The following TFEC variants were observed in gnomAD, a reference collection of about 807,000 sequenced individuals.
The protein encoded by TFEC is transcription factor EC.
A neutral mutation model predicts 41.6 loss-of-function variants in TFEC; 31 were observed. The ratio of observed to expected loss-of-function variants is 0.74; its 90% confidence interval spans 0.56 to 1.01. The LOEUF is 1.01. Ranked by LOEUF, TFEC falls within the 50% of genes least tolerant of loss-of-function variation. The probability of loss-of-function intolerance (pLI) is 0.00; values close to 1 mark genes in which losing one functional copy is unlikely to be tolerated. For synonymous variants in TFEC, 143 were observed against 140.6 expected (o/e 1.02, Z -0.12); for missense variants, 402 against 404.1 (o/e 0.99, Z 0.04).
At chr7:116,062,600 T>TATATATAA (rs1796594821) in intron 3 of TFEC, among the ~76,000 whole-genome samples, 1 of 132,092 alleles carries the variant, frequency 7.6e-6, no homozygotes, top group African/African-American at 2.8e-5. Flanking sequence ...TATATATATA[T>TATATATAA]CACATTTTTT....
chr7:115,950,956 A>G lies in TFEC; in HGVS notation c.440-7T>C, dbSNP rs201213893. 88 of 1,531,220 alleles carry G rather than the reference A, an allele frequency of 5.7e-5. No individual in the cohort carries two copies. The Middle Eastern group carries it at 9.7e-4, about 17-fold the overall frequency. 94.9% of individuals were successfully genotyped at this position (1,531,220 alleles called of 1,614,324 possible). The stretch of plus-strand genomic sequence containing the variant: ...TACCTTCTTCTTCTTTCAACTATTA[A>G]AGAAGAAATATTATTGATTATTCTC... On this transcript the variant is annotated splice_polypyrimidine_tract_variant and splice_region_variant and intron_variant, in intron 5 of 7. Transcript: ENST00000265440.
At chr7:116,012,618 T>A (rs1318087986) in intron 1 of TFEC, among the ~76,000 whole-genome samples, 1 of 152,104 alleles carries the variant, frequency 6.6e-6, no homozygotes, top group Admixed American at 6.6e-5. Context: ...CTTACTATAG[T>A]GTTTGCCATC....
At chr7:116,010,257 AT>A (rs1794950749) in intron 1 of TFEC, among the ~76,000 whole-genome samples, 3 of 152,308 alleles carry the variant, frequency 2.0e-5, no homozygotes, top group Admixed American at 2.0e-4. Flanking sequence ...ATAAAAGTTT[AT>A]TCAGATAAAT....
intron 3 of TFEC, among the ~76,000 whole-genome samples, chr7:115,963,637 T>C (rs1030712236): frequency 4.0e-5 from 6 of 151,792 alleles, no homozygotes; most frequent in Middle Eastern, 3.2e-3. Flanking sequence ...GAAAAAATTA[T>C]GCTAAGTGAA....
At chr7:116,035,171 A>C (rs1367058178), upstream of TFEC, among the ~76,000 whole-genome samples, 2 of 151,990 alleles carry the variant, frequency 1.3e-5, no homozygotes, top group African/African-American at 2.4e-5. Context: ...CTTTATTTAT[A>C]ATCATAAAAA....
intron 3 of TFEC, among the ~76,000 whole-genome samples, chr7:116,051,631 C>A (rs1796314643): frequency 6.6e-6 from 1 of 151,958 alleles, no homozygotes; most frequent in Non-Finnish European, 1.5e-5. Flanking sequence ...TATTTAGGTA[C>A]ATGTGTGTGC....
intron 3 of TFEC, among the ~76,000 whole-genome samples, chr7:116,039,334 A>G (rs1021157487): frequency 6.6e-6 from 1 of 152,038 alleles, no homozygotes; most frequent in African/African-American, 2.4e-5. Flanking sequence ...AATTATAGGA[A>G]GAAAGGAGGG....
rs1584584647 is a variant in TFEC at position 116,157,835 on chromosome 7, T to A, written c.-69+1955A>T. ...AGAACTTCTGTCACACCGAAGGTACTCATTCACTTGCACATCTGCTGTCCT... is the reference window on the plus strand; with the variant it reads ...AGAACTTCTGTCACACCGAAGGTACACATTCACTTGCACATCTGCTGTCCT... On this transcript the variant is annotated intron_variant, in intron 1 of 8. Coordinates refer to the TFEC transcript ENST00000484212. 2.6e-5 allele frequency among the ~76,000 whole-genome samples: 4 copies of A among 152,274 alleles called. No individual in the cohort carries two copies. In the South Asian group the frequency reaches 6.2e-4, roughly 24 times the overall value.
At position 116,064,704 on chromosome 7, in the gene TFEC, AAAGT is replaced by A. The variant is rs1796652458; in HGVS notation, c.198+46000_198+46003del. Among the ~76,000 whole-genome samples, 9 of 152,146 alleles carry A rather than the reference AAAGT, an allele frequency of 5.9e-5. No individual in the cohort carries two copies. In the South Asian group the frequency reaches 1.9e-3, roughly 31 times the overall value. On this transcript the variant is annotated intron_variant, in intron 3 of 8. Transcript: ENST00000484212. The stretch of plus-strand genomic sequence containing the variant: ...ATTCTGCACATGTATCCCAGAACTT[AAAGT>A]AAAATTAAAAAAAAGAGAAGCAGCT...
intron 3 of TFEC, among the ~76,000 whole-genome samples, chr7:116,104,580 T>A (rs1393564617): frequency 2.6e-5 from 4 of 152,140 alleles, no homozygotes; most frequent in Non-Finnish European, 4.4e-5. Flanking sequence ...AATGTTTTCA[T>A]TCTTATTTGA....
chr7:116,077,682 G>A (rs1796991944), intron 3 of TFEC, among the ~76,000 whole-genome samples: 1 of 151,640 alleles, frequency 6.6e-6, no homozygotes, highest in Non-Finnish European at 1.5e-5. Context: ...AGACAAAGAG[G>A]GACATTATAT....
At chr7:115,981,804 A>G (rs915956397) in intron 2 of TFEC, among the ~76,000 whole-genome samples, 1 of 151,874 alleles carries the variant, frequency 6.6e-6, no homozygotes, top group Non-Finnish European at 1.5e-5. Flanking sequence ...AATTATCCAG[A>G]CAAACGGTCA....
At chr7:115,990,973 G>T (rs1324232027) in intron 1 of TFEC, among the ~76,000 whole-genome samples, 4 of 152,142 alleles carry the variant, frequency 2.6e-5, no homozygotes, top group Non-Finnish European at 4.4e-5. Flanking sequence ...GTTAAAGGGA[G>T]CCAGAGAGAA....
rs10260401 is a variant in TFEC at position 116,080,985 on chromosome 7, G to A, written c.198+29723C>T. 3.7e-3 allele frequency among the ~76,000 whole-genome samples: 427 copies of A among 115,672 alleles called. 1 individual carries two copies. The highest frequency in any genetic ancestry group is 0.014 in the African/African-American group (371 of 26,802). 75.9% of individuals were successfully genotyped at this position (115,672 alleles called of 152,430 possible). A position where few individuals can be genotyped will look rare whatever the true frequency, so the allele number is the denominator to read the frequency against. ...TGGATAAAGAAAATGTAGTGTGTGT[G>A]TGTGTGTGTGTGTGTGTGTGTGTGT... is the stretch of plus-strand genomic sequence containing the variant. On this transcript the variant is annotated intron_variant, in intron 3 of 8. Coordinates refer to the TFEC transcript ENST00000484212.
At chr7:116,110,885 T>C (rs1455490331) in exon 3 of TFEC, 1 of 1,539,740 alleles carries the variant, frequency 6.5e-7, no homozygotes. Context: ...GAAATTGAAG[T>C]CCAGTTAAAG....
chr7:116,026,269 C>T (rs2130873132), intron 1 of TFEC, among the ~76,000 whole-genome samples: 1 of 152,338 alleles, frequency 6.6e-6, no homozygotes, highest in Non-Finnish European at 1.5e-5. Flanking sequence ...GACCTTTTGG[C>T]CCAATGCCTT....
chr7:116,073,060 G>T (rs1796868357), intron 3 of TFEC, among the ~76,000 whole-genome samples: 1 of 151,532 alleles, frequency 6.6e-6, no homozygotes, highest in Admixed American at 6.6e-5. Context: ...ATCTCTGTTT[G>T]TAGATGGCAT....
chr7:116,086,055 CT>C (rs1254640790), intron 3 of TFEC, among the ~76,000 whole-genome samples: 3 of 151,664 alleles, frequency 2.0e-5, no homozygotes, highest in Non-Finnish European at 4.4e-5. Context: ...GCCATTTATT[CT>C]TTTTTTAATT....
intron 3 of TFEC, among the ~76,000 whole-genome samples, chr7:116,083,863 C>T (rs989032479): frequency 6.6e-6 from 1 of 151,862 alleles, no homozygotes; most frequent in African/African-American, 2.4e-5. Flanking sequence ...ACAATCCAAG[C>T]TTTGTTGTAA....
Sources: allele counts gnomAD v4.1 joint callset (sites outside exome capture counted in the v4.1 genomes callset), GRCh38; gene constraint gnomAD v4.1.1; transcripts MANE v1.5; gene names NCBI Gene and HGNC (gene_info 2026-07-23, HGNC 2026-07-21).